PIK3C2G: variants seen among roughly 807,000 people sequenced by gnomAD.
The protein encoded by PIK3C2G is phosphatidylinositol-4-phosphate 3-kinase catalytic subunit type 2 gamma, also known as phosphatidylinositol 3-kinase C2 domain-containing subunit gamma.
Under a neutral mutation model 181.1 loss-of-function variants are expected in PIK3C2G, and 168 were observed. The observed-to-expected ratio is 0.93, with a 90% confidence interval of 0.82 to 1.05. PIK3C2G has a LOEUF of 1.05. PIK3C2G is among the 50% of genes least tolerant of loss of function. The pLI is 0.00. For missense variants in PIK3C2G, 1,869 were observed against 1,732.8 expected (o/e 1.08, Z -1.40); for synonymous variants, 573 against 592.2 (o/e 0.97, Z 0.47).
At chr12:18,608,328 C>G (rs1451487518) in intron 30 of PIK3C2G, among the ~76,000 whole-genome samples, 1 of 151,900 alleles carries the variant, frequency 6.6e-6, no homozygotes, top group African/African-American at 2.4e-5. Context: ...CAATGATAGA[C>G]TGGATTAAGA....
At chr12:18,436,155 C>T (rs974431086) in intron 18 of PIK3C2G, among the ~76,000 whole-genome samples, 2 of 152,042 alleles carry the variant, frequency 1.3e-5, no homozygotes, top group African/African-American at 4.8e-5. Context: ...GTTGACTTGT[C>T]CTTAGTCTAC....
intron 5 of PIK3C2G, among the ~76,000 whole-genome samples, chr12:18,304,539 G>C (rs976957049): frequency 6.6e-6 from 1 of 152,202 alleles, no homozygotes; most frequent in African/African-American, 2.4e-5. Flanking sequence ...TTACAGGCGT[G>C]AGCTACCTCG....
chr12:18,397,070 A>T (rs1943936695), intron 15 of PIK3C2G, among the ~76,000 whole-genome samples: 1 of 151,958 alleles, frequency 6.6e-6, no homozygotes, highest in Admixed American at 6.6e-5. Context: ...AAGGACAGGC[A>T]AATAGATCAA....
At chr12:18,541,270 C>G (rs1247678261) in intron 25 of PIK3C2G, among the ~76,000 whole-genome samples, 1 of 151,912 alleles carries the variant, frequency 6.6e-6, no homozygotes, top group East Asian at 1.9e-4. Context: ...AGCAGCATGT[C>G]TCCAGATATC....
intron 31 of PIK3C2G, among the ~76,000 whole-genome samples, chr12:18,639,699 G>A (rs917445314): frequency 1.2e-4 from 19 of 152,060 alleles, no homozygotes; most frequent in Admixed American, 1.1e-3. Context: ...GGAAAAGGTG[G>A]AAACAAGTTC....
intron 11 of PIK3C2G, among the ~76,000 whole-genome samples, chr12:18,357,683 G>A (rs746241941): frequency 2.0e-5 from 3 of 152,144 alleles, no homozygotes; most frequent in Non-Finnish European, 4.4e-5. Context: ...TACTAAAAAA[G>A]TTTAATTGTA....
intron 18 of PIK3C2G, among the ~76,000 whole-genome samples, chr12:18,480,664 T>C (rs1939469240): frequency 1.3e-5 from 2 of 152,184 alleles, no homozygotes; most frequent in Non-Finnish European, 2.9e-5. Flanking sequence ...CAAATGCTAC[T>C]GCTCCTTTCC....
At chr12:18,550,810 C>T (rs1592558564) in intron 26 of PIK3C2G, among the ~76,000 whole-genome samples, 1 of 152,066 alleles carries the variant, frequency 6.6e-6, no homozygotes, top group Admixed American at 6.6e-5. Flanking sequence ...CGAGCCAAGA[C>T]CAGGCCATCT....
Position 18,371,160 on chromosome 12 carries a change from C to T in PIK3C2G, c.1749-20C>T, listed in dbSNP as rs1253049145. ...CAGTACAATTGGGTAGGTAATGCTTCTTCTTTCTTTTATTCTCAGGATCAA... is the reference window on the plus strand; with the variant it reads ...CAGTACAATTGGGTAGGTAATGCTTTTTCTTTCTTTTATTCTCAGGATCAA... On this transcript the variant is annotated intron_variant, in intron 12 of 32. Coordinates refer to ENST00000538779, the MANE Select transcript of PIK3C2G (RefSeq NM_001288772.2). 2 of 1,587,888 alleles carry T rather than the reference C, an allele frequency of 1.3e-6. No individual in the cohort carries two copies. Among genetic ancestry groups the T allele is most frequent in the African/African-American group, 1.3e-5 (1 of 74,344 alleles).
At chr12:18,295,439 G>C (rs934711339) in intron 5 of PIK3C2G, among the ~76,000 whole-genome samples, 1 of 151,872 alleles carries the variant, frequency 6.6e-6, no homozygotes, top group Non-Finnish European at 1.5e-5. Context: ...TCAAATATTT[G>C]CATTAAGTTT....
At chr12:18,470,037 T>C (rs1206121887) in intron 18 of PIK3C2G, among the ~76,000 whole-genome samples, 1 of 152,092 alleles carries the variant, frequency 6.6e-6, no homozygotes, top group Admixed American at 6.6e-5. Context: ...ACTTTATTTC[T>C]TTATCACATT....
the PIK3C2G span, chr12:18,699,884 T>C: frequency 1.2e-6 from 2 of 1,612,840 alleles, no homozygotes; most frequent in Non-Finnish European, 1.7e-6. Flanking sequence ...TGAAAGCTTT[T>C]GAATTTCTCA....
chr12:18,308,020 A>G (rs970570552), intron 5 of PIK3C2G, among the ~76,000 whole-genome samples: 1 of 151,910 alleles, frequency 6.6e-6, no homozygotes, highest in African/African-American at 2.4e-5. Context: ...TCTAGTGTGT[A>G]TTTTACATTT....
intron 27 of PIK3C2G, 121 bp downstream of exon 27, chr12:18,563,013 T>G: frequency 1.4e-6 from 1 of 699,502 alleles, no homozygotes; most frequent in South Asian, 2.0e-5. Context: ...GAAAAATAAT[T>G]TACAATTTAA....
At chr12:18,369,956 G>T (rs1231617667) in intron 12 of PIK3C2G, among the ~76,000 whole-genome samples, 542 of 15,354 alleles carry the variant, frequency 0.035, 37 homozygotes, top group South Asian at 0.19. Flanking sequence ...ATCATATAAC[G>T]ATCGTATAAT....
chr12:18,620,099 A>G (rs367720773), intron 31 of PIK3C2G, among the ~76,000 whole-genome samples: 46 of 152,262 alleles, frequency 3.0e-4, no homozygotes, highest in African/African-American at 1.0e-3. Context: ...CCCATGTCCA[A>G]TTGAGAAGGA....
rs540093858 is a variant in PIK3C2G at position 18,398,345 on chromosome 12, G to A, written c.2127-1314G>A. On this transcript the variant is annotated intron_variant, in intron 15 of 32. Transcript: ENST00000538779. ...TTACTATGGATTTTTTTTCTTCTGT[G>A]GGCTTTTCAGAGGAAAAGGTGGTAG... 1.8e-4 allele frequency among the ~76,000 whole-genome samples: 28 copies of A among 152,070 alleles called. No homozygotes were observed. In the South Asian group the frequency reaches 5.4e-3, roughly 29 times the overall value.
intron 32 of PIK3C2G, among the ~76,000 whole-genome samples, chr12:18,643,489 A>G (rs1432413895): frequency 2.0e-5 from 3 of 152,094 alleles, no homozygotes; most frequent in African/African-American, 7.2e-5. Flanking sequence ...AATTCTGGCA[A>G]AGAAGCTGGG....
intron 13 of PIK3C2G, among the ~76,000 whole-genome samples, chr12:18,375,946 C>T (rs1942407397): frequency 6.6e-6 from 1 of 152,220 alleles, no homozygotes. Context: ...ACACAGAGTG[C>T]AGGAGTGAAG....
Sources: allele counts gnomAD v4.1 joint callset (sites outside exome capture counted in the v4.1 genomes callset), GRCh38; gene constraint gnomAD v4.1.1; transcripts MANE v1.5; gene names NCBI Gene and HGNC (gene_info 2026-07-23, HGNC 2026-07-21).